Variants in ERP44 observed in about 807,000 individuals in gnomAD.
The protein encoded by ERP44 is endoplasmic reticulum protein 44.
ERP44 carries 25 observed loss-of-function variants against 53.4 expected under a neutral mutation model. The observed-to-expected ratio is 0.47, with a 90% CI of 0.34 to 0.65. The LOEUF (loss-of-function observed/expected upper bound fraction) is 0.65, where lower values mean the gene tolerates loss of function less well. Ranked by LOEUF, ERP44 falls within the 30% of genes least tolerant of loss-of-function variation. The probability of loss-of-function intolerance (pLI) is 0.01; values close to 1 mark genes in which losing one functional copy is unlikely to be tolerated. For synonymous variants in ERP44, 145 were observed against 161.2 expected (o/e 0.90, Z 0.76); for missense variants, 338 against 493.2 (o/e 0.69, Z 2.98).
chr9:100,086,864 C>T (rs1826490445), intron 1 of ERP44, among the ~76,000 whole-genome samples: 1 of 152,066 alleles, frequency 6.6e-6, no homozygotes, highest in African/African-American at 2.4e-5. Context: ...AAAGAATCCA[C>T]ACAACAAACA....
intron 5 of ERP44, 103 bp downstream of exon 5, chr9:100,021,939 C>T: frequency 9.9e-7 from 1 of 1,014,978 alleles, no homozygotes; most frequent in Non-Finnish European, 1.5e-6. Context: ...GTCAAATCCA[C>T]TGCAATAGAC....
At chr9:100,083,550 T>C (rs1032006558) in intron 1 of ERP44, among the ~76,000 whole-genome samples, 3 of 152,140 alleles carry the variant, frequency 2.0e-5, no homozygotes, top group Non-Finnish European at 4.4e-5. Context: ...GGGAAGACTA[T>C]TTGAGAGAAA....
At chr9:100,013,816 G>C (rs1044831498) in intron 8 of ERP44, among the ~76,000 whole-genome samples, 4 of 152,120 alleles carry the variant, frequency 2.6e-5, no homozygotes, top group African/African-American at 9.7e-5. Flanking sequence ...AGAAATCTGT[G>C]CATATATTCA....
intron 1 of ERP44, among the ~76,000 whole-genome samples, chr9:100,075,352 C>CAAA (rs1564104012): frequency 6.6e-6 from 1 of 152,238 alleles, no homozygotes; most frequent in African/African-American, 2.4e-5. Flanking sequence ...CATTCCTTTC[C>CAAA]ATAAGGCCCA....
At chr9:100,092,822 A>G (rs996937031) in intron 1 of ERP44, among the ~76,000 whole-genome samples, 3 of 152,222 alleles carry the variant, frequency 2.0e-5, no homozygotes, top group African/African-American at 7.2e-5. Flanking sequence ...GGTCTAGTAA[A>G]TTGGCACAGA....
chr9:100,015,080 TC>T (rs1262703813), intron 8 of ERP44, among the ~76,000 whole-genome samples: 1 of 152,200 alleles, frequency 6.6e-6, no homozygotes, highest in Non-Finnish European at 1.5e-5. Flanking sequence ...GGACTCCATC[TC>T]ATGAATGGAG....
chr9:99,990,612 A>G (rs1468896242), intron 10 of ERP44, among the ~76,000 whole-genome samples: 3 of 151,960 alleles, frequency 2.0e-5, no homozygotes, highest in Non-Finnish European at 2.9e-5. Flanking sequence ...TCAACTAATG[A>G]GCAAAATAAC....
At chr9:100,007,802 CCCGGGGG>C in intron 8 of ERP44, 113 bp from the exon 9 acceptor site, 1 of 683,390 alleles carries the variant, frequency 1.5e-6, no homozygotes, top group Non-Finnish European at 2.6e-6. Flanking sequence ...GTTGCAATAT[CCCGGGGG>C]AAAAAAAAGG....
chr9:100,089,379 G>A lies in ERP44; in HGVS notation c.57+9405C>T, dbSNP rs570863011. On this transcript the variant is annotated intron_variant, in intron 1 of 11. Coordinates refer to ENST00000262455, the MANE Select transcript of ERP44 (RefSeq NM_015051.3). Reference sequence around the variant, plus strand: ...GCGGATCACCTTAGGTCAGGAGTTCGAGACCAGCCAAGCCAGCATGGCAAA... The same window carrying A: ...GCGGATCACCTTAGGTCAGGAGTTCAAGACCAGCCAAGCCAGCATGGCAAA... Among the ~76,000 whole-genome samples the A allele has an allele frequency of 2.0e-3, 307 of 152,132 alleles. 2 individuals are homozygous for A. Among genetic ancestry groups the A allele is most frequent in the Non-Finnish European group, 3.3e-3 (223 of 67,988 alleles).
In ERP44 at chr9:99,980,878, T is replaced by C. The variant is rs1469524506; in HGVS notation, c.*1734A>G. On this transcript the variant is annotated 3_prime_UTR_variant, in exon 12 of 12. Coordinates refer to ENST00000262455, the MANE Select transcript of ERP44 (RefSeq NM_015051.3). Reference sequence around the variant, plus strand: ...GTACTCCTTGAGGCCTTTTTCATAATAACTACTCTCAAGCCAGCTCTCTGC... The same window carrying C: ...GTACTCCTTGAGGCCTTTTTCATAACAACTACTCTCAAGCCAGCTCTCTGC... The C allele has an allele frequency of 6.6e-6, 1 of 152,216 alleles. No homozygotes were observed. Among genetic ancestry groups the C allele is most frequent in the African/African-American group, 2.4e-5 (1 of 41,448 alleles). The allele number at this position is 152,216 out of a possible 1,614,324, so 9.4% of individuals were successfully genotyped here. A position where few individuals can be genotyped will look rare whatever the true frequency, so the allele number is the denominator to read the frequency against.
chr9:100,068,327 G>A (rs1480610311), intron 1 of ERP44, among the ~76,000 whole-genome samples: 3 of 134,146 alleles, frequency 2.2e-5, no homozygotes, highest in Non-Finnish European at 3.2e-5. Flanking sequence ...GTCCGGGAGG[G>A]AGGTGGGGGG....
At chr9:100,086,943 A>G (rs2118755723) in intron 1 of ERP44, among the ~76,000 whole-genome samples, 1 of 151,860 alleles carries the variant, frequency 6.6e-6, no homozygotes, top group Middle Eastern at 3.4e-3. Context: ...AAACATGTAT[A>G]TTATCTCTTT....
At chr9:100,093,590 CCAAGAT>C (rs1346752737) in intron 1 of ERP44, among the ~76,000 whole-genome samples, 1 of 152,026 alleles carries the variant, frequency 6.6e-6, no homozygotes, top group Admixed American at 6.6e-5. Context: ...CTACAGTGAG[CCAAGAT>C]CAGGCCACTG....
intron 4 of ERP44, among the ~76,000 whole-genome samples, chr9:100,043,019 G>C (rs778106169): frequency 6.6e-6 from 1 of 151,872 alleles, no homozygotes; most frequent in Non-Finnish European, 1.5e-5. Context: ...CAGCACTTTG[G>C]GAGGCCGAAG....
At chr9:100,096,580 G>T (rs1038921921) in intron 1 of ERP44, among the ~76,000 whole-genome samples, 1 of 152,042 alleles carries the variant, frequency 6.6e-6, no homozygotes, top group African/African-American at 2.4e-5. Flanking sequence ...TGTTTCAACT[G>T]TTATCTTATA....
intron 10 of ERP44, chr9:99,999,083 G>T: frequency 1.4e-6 from 1 of 699,056 alleles, no homozygotes; most frequent in Non-Finnish European, 2.6e-6. Flanking sequence ...GGGAGCGCAC[G>T]GCCGTTCCCA....
chr9:100,011,827 A>T (rs571658185), intron 8 of ERP44, among the ~76,000 whole-genome samples: 1 of 152,320 alleles, frequency 6.6e-6, no homozygotes, highest in African/African-American at 2.4e-5. Flanking sequence ...ATGGACTTAA[A>T]ATGCCAAGCT....
At chr9:100,021,564 T>C (rs963758934) in intron 5 of ERP44, among the ~76,000 whole-genome samples, 1 of 152,198 alleles carries the variant, frequency 6.6e-6, no homozygotes, top group Admixed American at 6.5e-5. Context: ...CCAAACTCAA[T>C]TGTTTTTGCT....
At chr9:100,065,181 T>G (rs1383402400) in intron 1 of ERP44, among the ~76,000 whole-genome samples, 1 of 152,190 alleles carries the variant, frequency 6.6e-6, no homozygotes, top group African/African-American at 2.4e-5. Context: ...TTTTTATCTT[T>G]TATACTATAT....
Sources: gnomAD v4.1 joint callset for allele counts (sites outside exome capture counted in the v4.1 genomes callset) on GRCh38, gnomAD v4.1.1 for gene constraint, MANE v1.5 for transcripts, NCBI Gene and HGNC (gene_info 2026-07-23, HGNC 2026-07-21) for gene names.